The following PTK2 variants were observed in gnomAD, a reference collection of about 807,000 sequenced individuals.
PTK2 encodes the protein protein tyrosine kinase 2.
In PTK2, 45 loss-of-function variants were observed where a neutral mutation model predicts 150.1. The observed-to-expected ratio is 0.30, with a 90% CI of 0.24 to 0.38. The LOEUF (loss-of-function observed/expected upper bound fraction) is 0.38. Among genes scored for constraint, PTK2 ranks in the 10% least tolerant of loss-of-function variants. PTK2 has a pLI of 1.00. For synonymous variants in PTK2, 432 were observed against 449.2 expected (o/e 0.96, Z 0.48); for missense variants, 919 against 1,307.3 (o/e 0.70, Z 4.58).
intron 1 of PTK2, among the ~76,000 whole-genome samples, chr8:140,958,396 T>G (rs143140164): frequency 4.4e-4 from 67 of 152,290 alleles, no homozygotes; most frequent in African/African-American, 1.6e-3. Context: ...CCTCCTGCTG[T>G]GGCCTCCCAA....
chr8:140,814,312 G>A (rs1030371432), intron 10 of PTK2, among the ~76,000 whole-genome samples: 4 of 152,156 alleles, frequency 2.6e-5, no homozygotes, highest in African/African-American at 9.7e-5. Flanking sequence ...TATGAAGCCA[G>A]AATTATTCTG....
chr8:140,996,122 T>C (rs976540658), intron 1 of PTK2, among the ~76,000 whole-genome samples: 2 of 152,170 alleles, frequency 1.3e-5, no homozygotes, highest in Admixed American at 6.5e-5. Context: ...AACAGCCTTA[T>C]TGTTGATATG....
intron 27 of PTK2, among the ~76,000 whole-genome samples, chr8:140,684,466 C>G (rs928597974): frequency 1.3e-5 from 2 of 152,236 alleles, no homozygotes; most frequent in African/African-American, 4.8e-5. Context: ...CAATACCAGT[C>G]TGCGGCCCAG....
At chr8:140,908,583 T>G (rs891995735) in intron 2 of PTK2, among the ~76,000 whole-genome samples, 1 of 152,178 alleles carries the variant, frequency 6.6e-6, no homozygotes, top group Non-Finnish European at 1.5e-5. Flanking sequence ...ATGCAGCTGG[T>G]GATTTTAAGT....
At chr8:140,659,225 G>T (rs945930077) in exon 32 of PTK2, 3 of 496,742 alleles carry the variant, frequency 6.0e-6, no homozygotes, top group Non-Finnish European at 1.1e-5. Context: ...TTAGAAAAAC[G>T]CCACATTTTG....
chr8:140,708,291 T>C (rs935809319), intron 23 of PTK2, among the ~76,000 whole-genome samples: 3 of 152,184 alleles, frequency 2.0e-5, no homozygotes, highest in Non-Finnish European at 4.4e-5. Flanking sequence ...CTAAAATCTG[T>C]CTCATTTCCC....
intron 4 of PTK2, among the ~76,000 whole-genome samples, chr8:140,865,992 C>G (rs1447092863): frequency 6.6e-6 from 1 of 152,120 alleles, no homozygotes; most frequent in African/African-American, 2.4e-5. Flanking sequence ...GCCATGTTGC[C>G]CAGTCTGGTC....
intron 23 of PTK2, among the ~76,000 whole-genome samples, chr8:140,716,800 C>T (rs995259541): frequency 1.3e-5 from 2 of 152,110 alleles, no homozygotes; most frequent in African/African-American, 4.8e-5. Flanking sequence ...TACAAAAAAT[C>T]CTATTATCTT....
intron 3 of PTK2, among the ~76,000 whole-genome samples, chr8:140,889,227 C>CT (rs902457932): frequency 2.0e-5 from 3 of 151,118 alleles, no homozygotes; most frequent in African/African-American, 7.4e-5. Flanking sequence ...AGCCTTAAAT[C>CT]TTTTTTTTCT....
At chr8:140,994,642 T>C (rs1386851374) in intron 1 of PTK2, among the ~76,000 whole-genome samples, 2 of 152,140 alleles carry the variant, frequency 1.3e-5, no homozygotes, top group Non-Finnish European at 2.9e-5. Flanking sequence ...CTATGATCAG[T>C]GGTCTTCGAT....
intron 26 of PTK2, among the ~76,000 whole-genome samples, chr8:140,692,029 T>C (rs1053588807): frequency 6.6e-6 from 1 of 152,240 alleles, no homozygotes; most frequent in African/African-American, 2.4e-5. Context: ...TTTTTGCCTA[T>C]AGAATAAGGT....
intron 17 of PTK2, among the ~76,000 whole-genome samples, chr8:140,748,646 G>GT (rs528047868): frequency 4.3e-4 from 66 of 152,312 alleles, no homozygotes; most frequent in South Asian, 2.1e-3. Context: ...GCCTATGGCA[G>GT]TAACATGAGT....
chr8:140,981,231 A>G (rs902172763), intron 1 of PTK2, among the ~76,000 whole-genome samples: 1 of 152,176 alleles, frequency 6.6e-6, no homozygotes, highest in South Asian at 2.1e-4. Context: ...CCAAGAGAGA[A>G]AGAAACTAAA....
At chr8:140,897,907 A>G (rs992145481) in intron 2 of PTK2, among the ~76,000 whole-genome samples, 34 of 152,222 alleles carry the variant, frequency 2.2e-4, no homozygotes, top group African/African-American at 8.2e-4. Context: ...GCGGCCAATT[A>G]CATTTTTAAA....
intron 16 of PTK2, among the ~76,000 whole-genome samples, chr8:140,756,016 C>G (rs938992384): frequency 6.6e-6 from 1 of 152,034 alleles, no homozygotes. Flanking sequence ...CAAACATATA[C>G]AATATACACA....
chr8:140,770,784 T>C (rs1371964532), intron 14 of PTK2: 2 of 1,334,148 alleles, frequency 1.5e-6, no homozygotes, highest in Admixed American at 2.1e-5. Context: ...AACTTTATGT[T>C]GGCAGTGACT....
exon 24 of PTK2, chr8:140,706,180 G>C: frequency 6.2e-7 from 1 of 1,613,334 alleles, no homozygotes; most frequent in Non-Finnish European, 8.5e-7. Flanking sequence ...GCTGGACCTC[G>C]GACTGGGATA....
chr8:140,703,839 C>T (rs1052390524), intron 24 of PTK2, among the ~76,000 whole-genome samples: 8 of 152,180 alleles, frequency 5.3e-5, no homozygotes, highest in Non-Finnish European at 7.3e-5. Context: ...TTGGTTTCCA[C>T]ACCTCATTAG....
chr8:140,927,971 A>ATATATATAT (rs1209829069), intron 1 of PTK2, among the ~76,000 whole-genome samples: 37 of 66,912 alleles, frequency 5.5e-4, no homozygotes, highest in Middle Eastern at 6.8e-3. Context: ...AAAAAAAAAA[A>ATATATATAT]AAAAATATAT....
Sources: gnomAD v4.1 joint callset for allele counts (sites outside exome capture counted in the v4.1 genomes callset) on GRCh38, gnomAD v4.1.1 for gene constraint, MANE v1.5 for transcripts, NCBI Gene and HGNC (gene_info 2026-07-23, HGNC 2026-07-21) for gene names.